Variants in SLC17A1 observed in about 807,000 individuals in gnomAD.
SLC17A1 encodes solute carrier family 17 member 1, also known as sodium-dependent phosphate transport protein 1.
Under a neutral mutation model 53.5 loss-of-function variants are expected in SLC17A1, and 51 were observed. The ratio of observed to expected loss-of-function variants is 0.95; its 90% CI spans 0.76 to 1.20. SLC17A1 has a LOEUF of 1.20. Ranked by LOEUF, SLC17A1 falls within the 50% of genes most tolerant of loss-of-function variation. The pLI is 0.00. For missense variants in SLC17A1, 538 were observed against 568.2 expected (o/e 0.95, Z 0.54); for synonymous variants, 179 against 198.8 (o/e 0.90, Z 0.84).
Position 25,798,891 on chromosome 6 carries a change from A to G in SLC17A1, c.1298T>C (p.Phe433Ser). 6.2e-7 allele frequency: 1 copy of G among 1,602,702 alleles called. No individual in the cohort carries two copies. The highest frequency in any genetic ancestry group is 1.3e-5 in the African/African-American group (1 of 74,960). ...QDPESAWFKT[F>S]ILMAAINVTG... ...CACATTAATGGCTGCCATCAGGATG[A>G]AGGTTTTAAACCAGGCGGATTCCGG... The change falls in exon 12 of 13, where the codon TTC becomes TCC. Residue 433 changes from phenylalanine to serine, a missense_variant. Phe to Ser is a radical substitution (Grantham distance 155, BLOSUM62 -2). Transcript: ENST00000244527.
chr6:25,729,233 A>G, the SLC17A1 span, among the ~76,000 whole-genome samples: 1 of 152,218 alleles, frequency 6.6e-6, no homozygotes, highest in Non-Finnish European at 1.5e-5. Flanking sequence ...TGCAAATAAT[A>G]GGAAATGCTA....
the SLC17A1 span, chr6:25,726,384 T>C: frequency 1.9e-6 from 3 of 1,614,038 alleles, no homozygotes; most frequent in East Asian, 2.2e-5. Context: ...AATACACTGG[T>C]GCGCCTGCCC....
At chr6:25,729,020 T>G in the SLC17A1 span, among the ~76,000 whole-genome samples, 1 of 152,164 alleles carries the variant, frequency 6.6e-6, no homozygotes, top group Non-Finnish European at 1.5e-5. Flanking sequence ...TAATCAGGGA[T>G]TCATGCTTCT....
At chr6:25,795,280 G>A (rs1392123830) in intron 12 of SLC17A1, among the ~76,000 whole-genome samples, 1 of 152,130 alleles carries the variant, frequency 6.6e-6, no homozygotes, top group Non-Finnish European at 1.5e-5. Context: ...ACAGGTTTAC[G>A]TAGAATTAGC....
intron 10 of SLC17A1, among the ~76,000 whole-genome samples, chr6:25,806,437 G>A (rs1763956700): frequency 6.6e-6 from 1 of 152,028 alleles, no homozygotes; most frequent in South Asian, 2.1e-4. Context: ...ATAGGGAAAA[G>A]TTGAAAGCAT....
chr6:25,770,320 G>A, the SLC17A1 span: 1 of 1,613,648 alleles, frequency 6.2e-7, no homozygotes, highest in Non-Finnish European at 8.5e-7. Context: ...TGTTTTCCAG[G>A]TATAAGTGGA....
chr6:25,776,486 G>C, the SLC17A1 span: 1 of 1,286,092 alleles, frequency 7.8e-7, no homozygotes, highest in East Asian at 2.3e-5. Context: ...TATTAAAAGT[G>C]ATGCGTATAT....
chr6:25,825,361 C>G (rs950694565), intron 3 of SLC17A1, among the ~76,000 whole-genome samples: 2 of 145,126 alleles, frequency 1.4e-5, no homozygotes, highest in African/African-American at 2.6e-5. Flanking sequence ...CAAGTTATAG[C>G]TACAGCTTGA....
At chr6:25,814,253 T>C (rs1165808583) in intron 6 of SLC17A1, among the ~76,000 whole-genome samples, 2 of 152,190 alleles carry the variant, frequency 1.3e-5, no homozygotes, top group Middle Eastern at 6.3e-3. Context: ...TTATTTACCA[T>C]GCACCTATTT....
At chr6:25,754,102 G>A in the SLC17A1 span, among the ~76,000 whole-genome samples, 1 of 151,972 alleles carries the variant, frequency 6.6e-6, no homozygotes, top group Non-Finnish European at 1.5e-5. Flanking sequence ...CACTGGATTT[G>A]CTGGCAGAGA....
chr6:25,729,941 T>C, the SLC17A1 span, among the ~76,000 whole-genome samples: 1 of 152,184 alleles, frequency 6.6e-6, no homozygotes, highest in Middle Eastern at 3.2e-3. Flanking sequence ...AATATAAATT[T>C]CTAAGTGCAT....
At chr6:25,726,724 G>A in the SLC17A1 span, 8 of 1,057,540 alleles carry the variant, frequency 7.6e-6, no homozygotes, top group Admixed American at 7.5e-5. Context: ...GATACCGAAC[G>A]CGGCGTTTGA....
intron 10 of SLC17A1, among the ~76,000 whole-genome samples, chr6:25,801,748 C>T (rs1346964844): frequency 6.6e-6 from 1 of 152,142 alleles, no homozygotes; most frequent in Non-Finnish European, 1.5e-5. Context: ...CTTTCCCATT[C>T]CTACTCTGCC....
chr6:25,776,554 T>A, the SLC17A1 span: 2 of 1,551,762 alleles, frequency 1.3e-6, no homozygotes, highest in Non-Finnish European at 1.7e-6. Context: ...GTGGTGGGGG[T>A]GGTAAGGGCA....
chr6:25,797,673 C>A (rs566938170), intron 12 of SLC17A1, among the ~76,000 whole-genome samples: 14 of 151,668 alleles, frequency 9.2e-5, no homozygotes, highest in African/African-American at 3.4e-4. Context: ...GATCTCGGCT[C>A]AATGCAACCT....
At chr6:25,737,852 G>A in the SLC17A1 span, among the ~76,000 whole-genome samples, 2 of 152,080 alleles carry the variant, frequency 1.3e-5, no homozygotes, top group South Asian at 2.1e-4. Context: ...TTCTTAACAT[G>A]TTTCTTCTGA....
intron 3 of SLC17A1, among the ~76,000 whole-genome samples, chr6:25,821,931 T>C (rs1764577394): frequency 1.3e-5 from 2 of 152,144 alleles, no homozygotes; most frequent in Non-Finnish European, 2.9e-5. Flanking sequence ...TATCAATAGA[T>C]AATTTATAAG....
chr6:25,769,084 T>C, the SLC17A1 span: 3 of 1,614,118 alleles, frequency 1.9e-6, no homozygotes, highest in African/African-American at 1.3e-5. Flanking sequence ...ATCCCAGCTA[T>C]GGTGAACAAC....
In SLC17A1 at chr6:25,812,969, CAG is replaced by C; in HGVS notation, c.757_758del (p.Leu253AlafsTer7). ...VQQVSSSRQSLPIKAILKSLP... is the reference protein window; with the variant it reads ...VQQVSSSRQSXPIKAILKSLP... ...GCGACTTAAGTATAGCCTTGATAGG[CAG>C]AGATTGTCTACTTGAACTGACCTGG... is the stretch of plus-strand genomic sequence containing the variant. On this transcript the variant is annotated frameshift_variant, in exon 8 of 13. Coordinates refer to ENST00000244527, the MANE Select transcript of SLC17A1 (RefSeq NM_005074.5). LOFTEE classifies it high-confidence loss of function. 1 of 1,613,896 alleles carries C rather than the reference CAG, an allele frequency of 6.2e-7. No individual in the cohort carries two copies. The highest frequency in any genetic ancestry group is 1.3e-5 in the African/African-American group (1 of 75,016).
Sources: gnomAD v4.1 joint callset for allele counts (sites outside exome capture counted in the v4.1 genomes callset) on GRCh38, gnomAD v4.1.1 for gene constraint, MANE v1.5 for transcripts, NCBI Gene and HGNC (gene_info 2026-07-23, HGNC 2026-07-21) for gene names.